SLC43A3: variants seen among roughly 807,000 people sequenced by gnomAD.
SLC43A3 encodes equilibrative nucleobase transporter 1.
In SLC43A3, 33 loss-of-function variants were observed where a neutral mutation model predicts 53.3. The ratio of observed to expected loss-of-function variants is 0.62; its 90% CI spans 0.47 to 0.83. The LOEUF (loss-of-function observed/expected upper bound fraction) is 0.83, where lower values mean the gene tolerates loss of function less well. Among genes scored for constraint, SLC43A3 ranks in the 40% least tolerant of loss-of-function variants. The pLI, the probability that SLC43A3 is intolerant of heterozygous loss-of-function variation, is 0.00. For missense variants in SLC43A3, 530 were observed against 610.0 expected (o/e 0.87, Z 1.38); for synonymous variants, 236 against 246.2 (o/e 0.96, Z 0.39).
intron 8 of SLC43A3, 124 bp downstream of exon 8, chr11:57,417,624 G>T: frequency 1.8e-6 from 2 of 1,107,794 alleles, no homozygotes; most frequent in Non-Finnish European, 2.6e-6. Context: ...TTGTTATGCA[G>T]CAATAGCTAA....
In SLC43A3 at chr11:57,414,946, C is replaced by A; in HGVS notation, c.930G>T (p.Gly310=). The change falls in exon 10 of 14, where the codon GGG becomes GGT. Residue 310 remains glycine (G), a synonymous_variant. Transcript: ENST00000395124. ...CCTACCACATACCTCGTGCCATGTCCCCACCGGCCATGTTGGTCAGCAAGG... is the reference window on the plus strand; with the variant it reads ...CCTACCACATACCTCGTGCCATGTCACCACCGGCCATGTTGGTCAGCAAGG... ...LNSLLTNMAG[G]DMARVSTYTN... is the part of the protein sequence containing the mutation. 2 of 1,612,966 alleles carry A rather than the reference C, an allele frequency of 1.2e-6. No homozygotes were observed. Among genetic ancestry groups the A allele is most frequent in the Non-Finnish European group, 1.7e-6 (2 of 1,180,028 alleles).
At chr11:57,421,204 C>T in intron 6 of SLC43A3, 93 bp downstream of exon 6, 1 of 1,309,624 alleles carries the variant, frequency 7.6e-7, no homozygotes, top group Non-Finnish European at 1.1e-6. Flanking sequence ...TGGGCCAACC[C>T]CATCTGAGGC....
chr11:57,421,266 C>A (rs1463090095), intron 6 of SLC43A3, 31 bp downstream of exon 6: 1 of 1,569,964 alleles, frequency 6.4e-7, no homozygotes, highest in South Asian at 1.1e-5. Flanking sequence ...CGCCACCCTG[C>A]CGAGTGCCTG....
At chr11:57,414,756 T>C (rs200539281) in intron 10 of SLC43A3, 25 bp from the exon 11 acceptor site, 2 of 1,597,862 alleles carry the variant, frequency 1.3e-6, no homozygotes, top group Non-Finnish European at 1.7e-6. Flanking sequence ...GAGAGGTTGG[T>C]TGATGAGAAG....
intron 3 of SLC43A3, 54 bp downstream of exon 3, chr11:57,425,935 C>T (rs970595242): frequency 1.0e-5 from 16 of 1,562,390 alleles, no homozygotes; most frequent in Admixed American, 3.4e-5. Flanking sequence ...CTGCTCCTTG[C>T]CACCACGTGG....
At chr11:57,407,984 GAC>G in intron 13 of SLC43A3, 88 bp from the exon 14 acceptor site, 1 of 833,654 alleles carries the variant, frequency 1.2e-6, no homozygotes, top group Non-Finnish European at 2.0e-6. Context: ...TCCATTCCAT[GAC>G]CAATGAAGGG....
At chr11:57,425,899 G>T in intron 3 of SLC43A3, 90 bp downstream of exon 3, 1 of 1,394,150 alleles carries the variant, frequency 7.2e-7, no homozygotes, top group Non-Finnish European at 1.0e-6. Context: ...CATAGAAAGA[G>T]GGGTGGGCAG....
Position 57,416,630 on chromosome 11 carries a change from T to C in SLC43A3, c.712A>G (p.Thr238Ala). The C allele has an allele frequency of 1.2e-6, 2 of 1,614,164 alleles. No homozygotes were observed. The highest frequency in any genetic ancestry group is 1.6e-4 in the Middle Eastern group (1 of 6,062). ...AGCTCCCTGTTTTCATGCTCAGCTGTTTCCTTCTCTTCCTTTGTGGTGCCA... is the reference window on the plus strand; with the variant it reads ...AGCTCCCTGTTTTCATGCTCAGCTGCTTCCTTCTCTTCCTTTGTGGTGCCA... ...GNGTTKEEKE[T>A]AEHENRELQS... The change falls in exon 9 of 14, where the codon ACA becomes GCA. Residue 238 changes from threonine (T) to alanine (A), a missense_variant. Thr to Ala is a moderately conservative substitution (Grantham distance 58). Around this residue, in one of 3 missense-constraint regions of SLC43A3, gnomAD observed 376 missense variants for 386.7 expected, o/e 0.97. Transcript: ENST00000395124.
chr11:57,409,423 C>T, intron 12 of SLC43A3, 125 bp from the exon 13 acceptor site: 1 of 1,081,290 alleles, frequency 9.2e-7, no homozygotes, highest in Non-Finnish European at 1.3e-6. Flanking sequence ...GCCCTCCAAC[C>T]ACACCTGTCT....
chr11:57,407,733 C>T lies in SLC43A3; in HGVS notation c.*59G>A. On this transcript the variant is annotated 3_prime_UTR_variant, in exon 14 of 14. Transcript: ENST00000395124. ...AAAGTCTTTTGGGACACGAGGTCCTCAAAGGTGGTGGAAGATGAACAAAAC... is the reference window on the plus strand; with the variant it reads ...AAAGTCTTTTGGGACACGAGGTCCTTAAAGGTGGTGGAAGATGAACAAAAC... 1 of 1,050,920 alleles carries T rather than the reference C, an allele frequency of 9.5e-7. No homozygotes were observed. Among genetic ancestry groups the T allele is most frequent in the Non-Finnish European group, 1.5e-6 (1 of 674,928 alleles). 65.1% of individuals were successfully genotyped at this position (1,050,920 alleles called of 1,614,324 possible). A position where few individuals can be genotyped will look rare whatever the true frequency, so the allele number is the denominator to read the frequency against.
intron 11 of SLC43A3, among the ~76,000 whole-genome samples, chr11:57,412,747 G>A (rs922475503): frequency 5.9e-5 from 9 of 151,698 alleles, no homozygotes; most frequent in Non-Finnish European, 1.0e-4. Flanking sequence ...GGCGGAGGTC[G>A]CAGTAGGCTG....
chr11:57,417,976 G>T, intron 7 of SLC43A3, 89 bp from the exon 8 acceptor site: 1 of 1,216,960 alleles, frequency 8.2e-7, no homozygotes, highest in Non-Finnish European at 1.2e-6. Context: ...CAAACTAAGG[G>T]TCCATCAGCA....
rs553298596 is a variant in SLC43A3 at position 57,415,140 on chromosome 11, C to T, written c.770-34G>A. ...GAGAGGAGGATCTGGGCGTGAATTACGAGGAAAGTGGACAGGTAGGATGGG... is the reference window on the plus strand; with the variant it reads ...GAGAGGAGGATCTGGGCGTGAATTATGAGGAAAGTGGACAGGTAGGATGGG... On this transcript the variant is annotated intron_variant, in intron 9 of 13. Coordinates refer to ENST00000395124, the MANE Select transcript of SLC43A3 (RefSeq NM_199329.3). The T allele has an allele frequency of 2.0e-5, 32 of 1,589,044 alleles. No individual in the cohort carries two copies. The South Asian group carries it at 2.2e-4, about 11-fold the overall frequency.
chr11:57,412,446 T>C (rs1942516594), intron 11 of SLC43A3, among the ~76,000 whole-genome samples: 1 of 152,240 alleles, frequency 6.6e-6, no homozygotes, highest in South Asian at 2.1e-4. Flanking sequence ...CAAGCATTTA[T>C]TTCTGGGTAA....
rs1210951250 is a variant in SLC43A3 at position 57,409,907 on chromosome 11, C to T, written c.1247+28G>A. ...TCTCTTTGCCCCAGTGTGTCCGTCT[C>T]CACAGAGCCCGCCCCAAGGCCACTT... is the stretch of plus-strand genomic sequence containing the variant. On this transcript the variant is annotated intron_variant, in intron 12 of 13. Coordinates refer to ENST00000395124, the MANE Select transcript of SLC43A3 (RefSeq NM_199329.3). The T allele has an allele frequency of 3.8e-6, 6 of 1,583,456 alleles. No individual in the cohort carries two copies. The African/African-American group carries it at 8.1e-5, about 21-fold the overall frequency.
At position 57,421,297 on chromosome 11, in the gene SLC43A3, C is replaced by T; in HGVS notation, c.438G>A (p.Gln146=). ...GGILFLITNL[Q]IGNLFGQHRS... is the part of the protein sequence containing the mutation. ...GCCTGGGATTAGGGAAGGCTCCCACCTGCAGGTTGGTGATGAGAAACAGGA... is the reference window on the plus strand; with the variant it reads ...GCCTGGGATTAGGGAAGGCTCCCACTTGCAGGTTGGTGATGAGAAACAGGA... Residue 146 remains glutamine, a splice_region_variant and synonymous_variant, in exon 6 of 14, where the codon CAG becomes CAA. Coordinates refer to ENST00000395124, the MANE Select transcript of SLC43A3 (RefSeq NM_199329.3). 6.2e-7 allele frequency: 1 copy of T among 1,612,830 alleles called. No individual in the cohort carries two copies. The highest frequency in any genetic ancestry group is 8.5e-7 in the Non-Finnish European group (1 of 1,178,960).
intron 5 of SLC43A3, 85 bp from the exon 6 acceptor site, chr11:57,421,458 T>C (rs1259927591): frequency 1.0e-6 from 1 of 972,246 alleles, no homozygotes. Flanking sequence ...CTGCTCCAAA[T>C]TCCCAACAAT....
intron 11 of SLC43A3, among the ~76,000 whole-genome samples, 155 bp from the exon 12 acceptor site, chr11:57,410,276 C>T (rs1942392469): frequency 6.6e-6 from 1 of 152,202 alleles, no homozygotes; most frequent in African/African-American, 2.4e-5. Context: ...TCCCCACATG[C>T]CCCACCTCAA....
chr11:57,415,132 G>A (rs761139822), intron 9 of SLC43A3, 26 bp from the exon 10 acceptor site: 33 of 1,592,034 alleles, frequency 2.1e-5, no homozygotes, highest in Middle Eastern at 3.4e-4. Context: ...GGATCTGGGC[G>A]TGAATTACGA....
Sources: gnomAD v4.1 joint callset for allele counts (sites outside exome capture counted in the v4.1 genomes callset) on GRCh38, gnomAD v4.1.1 for gene constraint, gnomAD v4.1.1 regional missense constraint, MANE v1.5 for transcripts, NCBI Gene and HGNC (gene_info 2026-07-23, HGNC 2026-07-21) for gene names.